PHACTR2: variants seen among roughly 807,000 people sequenced by gnomAD.
PHACTR2 encodes chromosome 6 open reading frame 56.
In PHACTR2, 30 loss-of-function variants were observed where a neutral mutation model predicts 76.0. The observed-to-expected ratio is 0.39, with a 90% CI of 0.30 to 0.54. The LOEUF is 0.54. Ranked by LOEUF, PHACTR2 falls within the 20% of genes least tolerant of loss-of-function variation. The pLI is 0.61. For missense variants in PHACTR2, 696 were observed against 781.1 expected, an observed-to-expected ratio of 0.89 and a Z score of 1.30; for synonymous variants, 292 against 292.5, an observed-to-expected ratio of 1.00 and a Z score of 0.02.
At chr6:143,559,253 T>C (rs1039522134) in intron 1 of PHACTR2, among the ~76,000 whole-genome samples, 4 of 152,188 alleles carry the variant, frequency 2.6e-5, no homozygotes, top group Non-Finnish European at 5.9e-5. Flanking sequence ...CTGCTTTTAA[T>C]TTGCATATGA....
chr6:143,631,795 C>T (rs1444343102), intron 1 of PHACTR2, among the ~76,000 whole-genome samples: 1 of 152,086 alleles, frequency 6.6e-6, no homozygotes, highest in South Asian at 2.1e-4. Context: ...AGTGGACACA[C>T]TCTAGAAAAC....
At chr6:143,669,388 C>A (rs1285801940) in intron 1 of PHACTR2, among the ~76,000 whole-genome samples, 1 of 152,140 alleles carries the variant, frequency 6.6e-6, no homozygotes, top group Non-Finnish European at 1.5e-5. Flanking sequence ...TCTATTAGGT[C>A]TGCTTTGTCC....
At chr6:143,694,528 G>A (rs752339708) in intron 1 of PHACTR2, among the ~76,000 whole-genome samples, 24 of 152,200 alleles carry the variant, frequency 1.6e-4, no homozygotes, top group Non-Finnish European at 2.8e-4. Context: ...GTTCTCAAAT[G>A]TCACTACATA....
rs954162899 is a variant in PHACTR2, at chr6:143,578,601, G to C, written c.217+41394G>C. Among the ~76,000 whole-genome samples the C allele has an allele frequency of 2.6e-5, 4 of 152,026 alleles. No homozygotes were observed. The highest frequency in any genetic ancestry group is 7.2e-5 in the African/African-American group (3 of 41,398). The stretch of plus-strand genomic sequence containing the variant: ...TTTTAAAAAAATTTGCTGTTGACTT[G>C]GATGCTGAGGGCTACGTGGAGGGCC... On this transcript the variant is annotated intron_variant, in intron 1 of 11. Transcript: ENST00000367584. The surrounding 1 kb of genome is among the most constrained non-coding windows in gnomAD (Gnocchi z 4.5).
chr6:143,764,049 T>C lies in PHACTR2; in HGVS notation c.695-1212T>C, dbSNP rs147698759. Among the ~76,000 whole-genome samples the C allele has an allele frequency of 6.6e-6, 1 of 152,376 alleles. No individual in the cohort carries two copies. Among genetic ancestry groups the C allele is most frequent in the African/African-American group, 2.4e-5 (1 of 41,590 alleles). On this transcript the variant is annotated intron_variant, in intron 5 of 12. Transcript: ENST00000440869. The surrounding 1 kb of genome is among the most constrained non-coding windows in gnomAD (Gnocchi z 4.7). ...CATAAAGAAAAAAGTAGTTAATCTT[T>C]TTGTTTTGAAACTGTTTTGATTGAG...
At position 143,662,729 on chromosome 6, in the gene PHACTR2, G is replaced by GT. The variant is rs1393615769; in HGVS notation, c.14-49281dup. Among the ~76,000 whole-genome samples the GT allele has an allele frequency of 6.6e-6, 1 of 152,064 alleles. No individual in the cohort carries two copies. The highest frequency in any genetic ancestry group is 2.4e-5 in the African/African-American group (1 of 41,412). The stretch of plus-strand genomic sequence containing the variant: ...ATTGTCTTCACCTATATTACAATTA[G>GT]TTTTTTCTTTTTTTCTTTAATTTCG... On this transcript the variant is annotated intron_variant, in intron 1 of 11. Coordinates refer to the PHACTR2 transcript ENST00000305766. The surrounding 1 kb of genome is among the most constrained non-coding windows in gnomAD (Gnocchi z 4.7).
At position 143,782,213 on chromosome 6, in the gene PHACTR2, G is replaced by C. The variant is rs974602036; in HGVS notation, c.1646-1006G>C. On this transcript the variant is annotated intron_variant, in intron 9 of 12. Coordinates refer to ENST00000440869, the MANE Select transcript of PHACTR2 (RefSeq NM_001100164.2). This position sits in a 1 kb window ranked among gnomAD's most constrained non-coding sequence, Gnocchi z 4.6. ...TGCACTCTAGCCTGGGTGACAGAGCGAGAATCCGTTTCAAAAAATAAAATA... is the reference window on the plus strand; with the variant it reads ...TGCACTCTAGCCTGGGTGACAGAGCCAGAATCCGTTTCAAAAAATAAAATA... 3.9e-5 allele frequency among the ~76,000 whole-genome samples: 6 copies of C among 152,060 alleles called. No individual in the cohort carries two copies. The highest frequency in any genetic ancestry group is 5.9e-5 in the Non-Finnish European group (4 of 68,016).
intron 1 of PHACTR2, among the ~76,000 whole-genome samples, chr6:143,651,446 C>T (rs1166764140): frequency 6.6e-6 from 1 of 152,018 alleles, no homozygotes; most frequent in Admixed American, 6.6e-5. Flanking sequence ...AACCTAAATG[C>T]CCATCAATGA....
chr6:143,650,227 A>G (rs1280958141), intron 1 of PHACTR2, among the ~76,000 whole-genome samples: 1 of 152,214 alleles, frequency 6.6e-6, no homozygotes, highest in African/African-American at 2.4e-5. Flanking sequence ...ATGCTCATGG[A>G]TAGGAAGGAT....
intron 1 of PHACTR2, among the ~76,000 whole-genome samples, chr6:143,566,813 T>C (rs1164608790): frequency 6.7e-6 from 1 of 149,312 alleles, no homozygotes; most frequent in East Asian, 2.0e-4. Flanking sequence ...CATGTAATAC[T>C]AAAGAATAAG....
chr6:143,762,602 T>G (rs1779467763), intron 5 of PHACTR2, among the ~76,000 whole-genome samples: 1 of 152,230 alleles, frequency 6.6e-6, no homozygotes, highest in Non-Finnish European at 1.5e-5. Flanking sequence ...ACTTTCTGCA[T>G]AGTAACTTTG....
intron 1 of PHACTR2, among the ~76,000 whole-genome samples, chr6:143,637,611 G>C (rs1009556998): frequency 6.6e-6 from 1 of 152,208 alleles, no homozygotes; most frequent in Non-Finnish European, 1.5e-5. Context: ...CTTCTGCAAG[G>C]CTACACTTTA....
rs1775738377 is a variant in PHACTR2 at position 143,595,495 on chromosome 6, T to G, written c.217+58288T>G. 6.6e-6 allele frequency among the ~76,000 whole-genome samples: 1 copy of G among 152,194 alleles called. No individual in the cohort carries two copies. ...CTTAATTATTTAAATGTTTCCAGAC[T>G]CAAATGACTGATGAGCTAACATATT... On this transcript the variant is annotated intron_variant, in intron 1 of 11. Transcript: ENST00000367584. The surrounding 1 kb of genome is among the most constrained non-coding windows in gnomAD (Gnocchi z 4.2).
In PHACTR2 at chr6:143,648,751, C is replaced by T. The variant is rs570454826; in HGVS notation, c.13+40429C>T. Among the ~76,000 whole-genome samples, 13 of 151,876 alleles carry T rather than the reference C, an allele frequency of 8.6e-5. No individual in the cohort carries two copies. In the South Asian group the frequency reaches 2.3e-3, roughly 27 times the overall value. On this transcript the variant is annotated intron_variant, in intron 1 of 11. Coordinates refer to the PHACTR2 transcript ENST00000305766. This position sits in a 1 kb window ranked among gnomAD's most constrained non-coding sequence, Gnocchi z 6.7. The stretch of plus-strand genomic sequence containing the variant: ...CTGCTTCTCCTCCCCAGGATGTGCA[C>T]GTGTGTGTGTCTCTGTGTGTGTGTG...
Position 143,689,696 on chromosome 6 carries a change from CTT to C in PHACTR2, c.46+11500_46+11501del, listed in dbSNP as rs35628481. Among the ~76,000 whole-genome samples, 4 of 139,406 alleles carry C rather than the reference CTT, an allele frequency of 2.9e-5. No homozygotes were observed. Among genetic ancestry groups the C allele is most frequent in the Admixed American group, 7.2e-5 (1 of 13,884 alleles). 91.5% of individuals were successfully genotyped at this position (139,406 alleles called of 152,430 possible). On this transcript the variant is annotated intron_variant, in intron 1 of 12. Transcript: ENST00000440869. The surrounding 1 kb of genome is among the most constrained non-coding windows in gnomAD (Gnocchi z 4.4). Reference sequence around the variant, plus strand: ...TTCCCATTTTCTCATCTTCTCAAGTCTTTTTTTTTTTTTTGAGATGGAGTGTC... The same window carrying C: ...TTCCCATTTTCTCATCTTCTCAAGTCTTTTTTTTTTTTGAGATGGAGTGTC...
rs538065802 is a variant in PHACTR2 at position 143,706,556 on chromosome 6, A to G, written c.47-5460A>G. 4.9e-3 allele frequency among the ~76,000 whole-genome samples: 744 copies of G among 152,300 alleles called. 2 individuals are homozygous for G. The highest frequency in any genetic ancestry group is 7.9e-3 in the Non-Finnish European group (539 of 68,010). Reference sequence around the variant, plus strand: ...TCCAGTAGTGAGAAACCTGGCTTCCACCATCTGCCACTCCCGTACTTCCTT... The same window carrying G: ...TCCAGTAGTGAGAAACCTGGCTTCCGCCATCTGCCACTCCCGTACTTCCTT... On this transcript the variant is annotated intron_variant, in intron 1 of 12. Coordinates refer to ENST00000440869, the MANE Select transcript of PHACTR2 (RefSeq NM_001100164.2).
chr6:143,670,292 A>T lies in PHACTR2; in HGVS notation c.14-41724A>T, dbSNP rs1777129454. ...CCCTTAACATTTTCCCTTCATTTCAACCCTAGTGAATCTGATAATTATGTG... is the reference window on the plus strand; with the variant it reads ...CCCTTAACATTTTCCCTTCATTTCATCCCTAGTGAATCTGATAATTATGTG... On this transcript the variant is annotated intron_variant, in intron 1 of 11. Transcript: ENST00000305766. Among the ~76,000 whole-genome samples, 3 of 151,332 alleles carry T rather than the reference A, an allele frequency of 2.0e-5. No individual in the cohort carries two copies. The South Asian group carries it at 6.3e-4, about 32-fold the overall frequency.
intron 1 of PHACTR2, among the ~76,000 whole-genome samples, chr6:143,552,371 C>G (rs1392170766): frequency 6.6e-6 from 1 of 152,070 alleles, no homozygotes; most frequent in African/African-American, 2.4e-5. Flanking sequence ...GAATGAAAAC[C>G]CAGAGAGTCA....
Position 143,659,023 on chromosome 6 carries a change from C to CAA in PHACTR2, c.13+50715_13+50716dup, listed in dbSNP as rs34900068. Among the ~76,000 whole-genome samples the CAA allele has an allele frequency of 6.8e-3, 916 of 133,766 alleles. 12 individuals carry two copies. Among genetic ancestry groups the CAA allele is most frequent in the African/African-American group, 0.022 (795 of 35,920 alleles). 87.8% of individuals were successfully genotyped at this position (133,766 alleles called of 152,430 possible). ...TGGGCAACAAAGCAAGATTCTGTCT[C>CAA]AAAAAAAAAAAAAAAGATAAAAAAT... is the stretch of plus-strand genomic sequence containing the variant. On this transcript the variant is annotated intron_variant, in intron 1 of 11. Coordinates refer to the PHACTR2 transcript ENST00000305766. This position sits in a 1 kb window ranked among gnomAD's most constrained non-coding sequence, Gnocchi z 5.0.
Sources: gnomAD v4.1 joint callset for allele counts (sites outside exome capture counted in the v4.1 genomes callset) on GRCh38, gnomAD v4.1.1 for gene constraint, Gnocchi (gnomAD v3.1) non-coding constraint, MANE v1.5 for transcripts, NCBI Gene and HGNC (gene_info 2026-07-23, HGNC 2026-07-21) for gene names.